The following RBFOX1 variants were observed in gnomAD, a reference collection of about 807,000 sequenced individuals.
The protein encoded by RBFOX1 is RNA binding fox-1 homolog 1, also known as RNA binding protein fox-1 homolog 1.
RBFOX1 carries 8 observed loss-of-function variants against 57.7 expected under a neutral mutation model. The ratio of observed to expected loss-of-function variants is 0.14; its 90% confidence interval spans 0.08 to 0.25. RBFOX1 has a LOEUF of 0.25. Ranked by LOEUF, RBFOX1 falls within the 10% of genes least tolerant of loss-of-function variation. The pLI is 1.00. For synonymous variants in RBFOX1, 326 were observed against 222.4 expected (o/e 1.47, Z -4.15); for missense variants, 611 against 548.5 (o/e 1.11, Z -1.14).
intron 4 of RBFOX1, among the ~76,000 whole-genome samples, chr16:5,913,513 C>T (rs1017315620): frequency 6.6e-6 from 1 of 152,154 alleles, no homozygotes; most frequent in Non-Finnish European, 1.5e-5. Context: ...CCGTATGACA[C>T]ACCTGCACCC....
intron 4 of RBFOX1, among the ~76,000 whole-genome samples, chr16:7,127,488 A>G (rs1246235330): frequency 6.6e-6 from 1 of 152,226 alleles, no homozygotes; most frequent in Non-Finnish European, 1.5e-5. Flanking sequence ...TAAATAGAGC[A>G]GTTTTTGATG....
chr16:6,790,835 T>G (rs1036350629), intron 3 of RBFOX1, among the ~76,000 whole-genome samples: 3 of 152,206 alleles, frequency 2.0e-5, no homozygotes, highest in African/African-American at 7.2e-5. Context: ...TCACAGTTAT[T>G]TAACTTTATA....
chr16:7,633,357 C>T (rs1345547693), intron 11 of RBFOX1, among the ~76,000 whole-genome samples: 2 of 152,192 alleles, frequency 1.3e-5, no homozygotes, highest in African/African-American at 4.8e-5. Flanking sequence ...GTGCATCCAA[C>T]ATCCTTCATT....
intron 1 of RBFOX1, among the ~76,000 whole-genome samples, chr16:6,315,812 T>A (rs1411362876): frequency 6.6e-6 from 1 of 152,148 alleles, no homozygotes; most frequent in Non-Finnish European, 1.5e-5. Context: ...TGAAGTCACT[T>A]GATGTTTTTA....
intron 13 of RBFOX1, among the ~76,000 whole-genome samples, chr16:7,671,998 A>G (rs189664123): frequency 1.5e-4 from 23 of 152,324 alleles, no homozygotes; most frequent in Non-Finnish European, 1.3e-4. Context: ...AATTGAACCA[A>G]TTGTCTGGAT....
chr16:6,580,482 A>G (rs2097521889), intron 2 of RBFOX1, among the ~76,000 whole-genome samples: 1 of 152,224 alleles, frequency 6.6e-6, no homozygotes, highest in African/African-American at 2.4e-5. Flanking sequence ...AGCAGGCAAG[A>G]TTAAAAACTC....
At chr16:6,925,172 T>G (rs1490870131) in intron 3 of RBFOX1, among the ~76,000 whole-genome samples, 2 of 125,340 alleles carry the variant, frequency 1.6e-5, no homozygotes, top group Non-Finnish European at 3.2e-5. Flanking sequence ...TTTGCTCTCT[T>G]GCCTAGACTG....
At chr16:6,337,930 T>C (rs777995274) in intron 2 of RBFOX1, among the ~76,000 whole-genome samples, 1 of 152,188 alleles carries the variant, frequency 6.6e-6, no homozygotes, top group Non-Finnish European at 1.5e-5. Flanking sequence ...TCAGTCCCAA[T>C]GCATGCCAAA....
chr16:5,693,208 G>A (rs2050745155), intron 3 of RBFOX1, among the ~76,000 whole-genome samples: 1 of 151,946 alleles, frequency 6.6e-6, no homozygotes, highest in Non-Finnish European at 1.5e-5. Context: ...CCTGCCCATG[G>A]GCCCTTTAAC....
At chr16:5,901,422 C>A (rs2058302771) in intron 4 of RBFOX1, among the ~76,000 whole-genome samples, 1 of 152,148 alleles carries the variant, frequency 6.6e-6, no homozygotes. Context: ...AAATATAACT[C>A]CTAGCTTAAG....
chr16:6,526,829 CAAAAAAAAAAAAAAAAA>C (rs541468859), intron 2 of RBFOX1, among the ~76,000 whole-genome samples: 1 of 32,896 alleles, frequency 3.0e-5, no homozygotes. Flanking sequence ...GACTCTGTCT[CAAAAAAAAAAAAAAAAA>C]AAAAAAAAAA....
chr16:5,581,837 G>C (rs1348448008), intron 2 of RBFOX1, among the ~76,000 whole-genome samples: 2 of 152,144 alleles, frequency 1.3e-5, no homozygotes, highest in African/African-American at 4.8e-5. Context: ...TAAGGTGTTA[G>C]GATATTATCT....
At chr16:6,273,597 C>G (rs1277598298) in intron 1 of RBFOX1, among the ~76,000 whole-genome samples, 5 of 151,952 alleles carry the variant, frequency 3.3e-5, no homozygotes, top group Non-Finnish European at 5.9e-5. Context: ...CCGCCCGCCT[C>G]GGCCCCCCAA....
chr16:6,789,557 C>T (rs2082549091), intron 3 of RBFOX1, among the ~76,000 whole-genome samples: 1 of 152,190 alleles, frequency 6.6e-6, no homozygotes, highest in Admixed American at 6.5e-5. Context: ...ACTCAATAGG[C>T]GCCATTTTCT....
At chr16:6,726,026 C>G (rs2067093543) in intron 3 of RBFOX1, among the ~76,000 whole-genome samples, 1 of 152,122 alleles carries the variant, frequency 6.6e-6, no homozygotes, top group African/African-American at 2.4e-5. Context: ...CCCTTTCTGT[C>G]TCGGCAAAGA....
chr16:7,427,439 G>A (rs772951253), intron 4 of RBFOX1, among the ~76,000 whole-genome samples: 2 of 151,954 alleles, frequency 1.3e-5, no homozygotes, highest in Non-Finnish European at 2.9e-5. Context: ...GCAAAAATGC[G>A]AAACGTACCA....
intron 4 of RBFOX1, among the ~76,000 whole-genome samples, chr16:7,349,631 G>A (rs901160361): frequency 3.3e-5 from 5 of 151,986 alleles, no homozygotes; most frequent in Non-Finnish European, 5.9e-5. Context: ...TACCACATCC[G>A]CTTGAGAGGC....
intron 5 of RBFOX1, among the ~76,000 whole-genome samples, chr16:7,546,452 T>C (rs1194554823): frequency 2.0e-5 from 3 of 152,236 alleles, no homozygotes; most frequent in Non-Finnish European, 4.4e-5. Context: ...CAATCCCTTA[T>C]GGTGTGCTTA....
intron 3 of RBFOX1, among the ~76,000 whole-genome samples, chr16:6,827,658 C>T (rs9302831): frequency 0.49 from 74,830 of 151,942 alleles, 19,317 homozygotes; most frequent in East Asian, 0.77. Context: ...CCCCTCCTCA[C>T]CCTTTTGAGG....
Sources: gnomAD v4.1 joint callset for allele counts (sites outside exome capture counted in the v4.1 genomes callset) on GRCh38, gnomAD v4.1.1 for gene constraint, MANE v1.5 for transcripts, NCBI Gene and HGNC (gene_info 2026-07-23, HGNC 2026-07-21) for gene names.